FAM234A: variants seen among roughly 807,000 people sequenced by gnomAD.
The protein encoded by FAM234A is protein FAM234A.
In FAM234A, 42 loss-of-function variants were observed where a neutral mutation model predicts 49.1. That is an observed-to-expected ratio of 0.86 (90% CI 0.67 to 1.11). The LOEUF (loss-of-function observed/expected upper bound fraction) is 1.11, where lower values mean the gene tolerates loss of function less well. Ranked by LOEUF, FAM234A falls within the 50% of genes least tolerant of loss-of-function variation. The probability of loss-of-function intolerance (pLI) is 0.00; values close to 1 mark genes in which losing one functional copy is unlikely to be tolerated. For synonymous variants in FAM234A, 369 were observed against 316.2 expected, an observed-to-expected ratio of 1.17 and a Z score of -1.77; for missense variants, 815 against 745.2, an observed-to-expected ratio of 1.09 and a Z score of -1.09.
Position 264,653 on chromosome 16 carries a change from C to T in FAM234A, c.1384C>T (p.Pro462Ser). Residue 462 changes from proline (P) to serine (S), a missense_variant, in exon 12 of 13, where the codon CCC becomes TCC. By Grantham distance (74) the Pro-to-Ser change is moderately conservative. Coordinates refer to ENST00000399932, the MANE Select transcript of FAM234A (RefSeq NM_032039.4). ...CCGGCACAGCCTGTACATGTTCCAC[C>T]CCACCCTGCCGCGCGTGCTGCTGGA... ...EARHSLYMFHPTLPRVLLELA... is the reference protein window; with the variant it reads ...EARHSLYMFHSTLPRVLLELA... The T allele has an allele frequency of 6.2e-7, 1 of 1,611,918 alleles. No individual in the cohort carries two copies. The highest frequency in any genetic ancestry group is 8.5e-7 in the Non-Finnish European group (1 of 1,179,956).
intron 2 of FAM234A, among the ~76,000 whole-genome samples, chr16:250,473 C>A (rs1022103926): frequency 6.6e-6 from 1 of 152,050 alleles, no homozygotes; most frequent in Non-Finnish European, 1.5e-5. Flanking sequence ...TTGGTCGCGA[C>A]TCATTGTTTG....
chr16:250,036 C>T (rs1464911444), intron 2 of FAM234A, among the ~76,000 whole-genome samples: 3 of 152,222 alleles, frequency 2.0e-5, no homozygotes, highest in Non-Finnish European at 2.9e-5. Context: ...AGCTCCACCT[C>T]CCGGGTTCAC....
In FAM234A at chr16:265,586, A is replaced by C; in HGVS notation, c.*564A>C. On this transcript the variant is annotated 3_prime_UTR_variant, in exon 13 of 13. Transcript: ENST00000399932. ...GCTTCGCAGCCCTTCCCGGAGCTAC[A>C]GGGGGATCCTCTAGCATGGGGGGTG... 1.0e-6 allele frequency: 1 copy of C among 985,884 alleles called. No individual in the cohort carries two copies. Among genetic ancestry groups the C allele is most frequent in the South Asian group, 4.7e-5 (1 of 21,304 alleles). The allele number at this position is 985,884 out of a possible 1,614,324, so 61.1% of individuals were successfully genotyped here.
At chr16:258,483 A>T (rs1596824222) in intron 3 of FAM234A, among the ~76,000 whole-genome samples, 1 of 146,354 alleles carries the variant, frequency 6.8e-6, no homozygotes, top group African/African-American at 2.7e-5. Context: ...AAGGTCACCG[A>T]TCAACAGGAT....
intron 1 of FAM234A, among the ~76,000 whole-genome samples, chr16:236,452 G>A (rs947162412): frequency 4.6e-5 from 7 of 151,574 alleles, no homozygotes; most frequent in Admixed American, 4.6e-4. Flanking sequence ...GTGAAATCCC[G>A]TCTCTACTAA....
rs369286504 is a variant in FAM234A at position 243,744 on chromosome 16, G to A, written c.-139-5805G>A. On this transcript the variant is annotated intron_variant, in intron 1 of 12. Transcript: ENST00000399932. Reference sequence around the variant, plus strand: ...AATTTTCCAAAGACAGGCCTTATTCGTGTTAAACACACACCCCTTTTCTGT... The same window carrying A: ...AATTTTCCAAAGACAGGCCTTATTCATGTTAAACACACACCCCTTTTCTGT... Among the ~76,000 whole-genome samples, 6 of 152,094 alleles carry A rather than the reference G, an allele frequency of 3.9e-5. No individual in the cohort carries two copies. The East Asian group carries it at 7.7e-4, about 20-fold the overall frequency.
chr16:252,654 C>A (rs985477077), intron 2 of FAM234A, among the ~76,000 whole-genome samples: 1 of 152,222 alleles, frequency 6.6e-6, no homozygotes, highest in Non-Finnish European at 1.5e-5. Flanking sequence ...CACATCCTCA[C>A]CCAGACTCGT....
downstream of FAM234A, chr16:269,823 G>A (rs112877257): frequency 3.9e-5 from 20 of 510,340 alleles, no homozygotes; most frequent in Non-Finnish European, 6.3e-5. Flanking sequence ...TGGTGGCCAC[G>A]TGTAGAGGAA....
In FAM234A at chr16:262,126, C is replaced by A. The variant is rs2051491623; in HGVS notation, c.742C>A (p.His248Asn). The A allele has an allele frequency of 6.2e-7, 1 of 1,613,954 alleles. No homozygotes were observed. Among genetic ancestry groups the A allele is most frequent in the Admixed American group, 1.7e-5 (1 of 60,006 alleles). Residue 248 changes from histidine to asparagine, a missense_variant, in exon 7 of 13, where the codon CAC becomes AAC. Physicochemically the swap from His to Asn is moderately conservative, Grantham distance 68. Transcript: ENST00000399932. ...CCACCTCTACTCCGGCAGCACCGGG[C>A]ACCAGATTGGCCTCAGAGGCAGCCT... ...SGHLYSGSTG[H>N]QIGLRGSLGV...
downstream of FAM234A, chr16:268,642 G>T: frequency 1.2e-6 from 1 of 857,424 alleles, no homozygotes; most frequent in South Asian, 1.6e-5. Context: ...GCGGCCTCGA[G>T]GTGGGAAAGC....
intron 1 of FAM234A, among the ~76,000 whole-genome samples, chr16:242,870 C>A (rs986581980): frequency 2.0e-5 from 3 of 152,194 alleles, no homozygotes; most frequent in African/African-American, 7.2e-5. Flanking sequence ...CCTCAGCCTC[C>A]CAAAGTGCTG....
chr16:252,628 G>A (rs1032938426), intron 2 of FAM234A, among the ~76,000 whole-genome samples: 1 of 152,172 alleles, frequency 6.6e-6, no homozygotes, highest in Non-Finnish European at 1.5e-5. Flanking sequence ...AGCAACGTAC[G>A]ATGTTCTGAT....
intron 2 of FAM234A, among the ~76,000 whole-genome samples, chr16:252,260 C>T (rs2051050117): frequency 6.7e-6 from 1 of 148,298 alleles, no homozygotes; most frequent in Admixed American, 6.8e-5. Context: ...TGGCTCACTA[C>T]AACCTCTGCC....
In FAM234A at chr16:234,841, A is replaced by C. The variant is rs1025681530; in HGVS notation, c.-156A>C. On this transcript the variant is annotated 5_prime_UTR_variant, in exon 1 of 13. Coordinates refer to ENST00000399932, the MANE Select transcript of FAM234A (RefSeq NM_032039.4). ...GCGGGGCCAGCGGCGCGGTCGGGTG[A>C]GAGGCCGCGGCGGCAGGTGAGTGAG... 6.6e-6 allele frequency: 1 copy of C among 152,496 alleles called. No individual in the cohort carries two copies. Among genetic ancestry groups the C allele is most frequent in the African/African-American group, 2.4e-5 (1 of 41,438 alleles). The allele number at this position is 152,496 out of a possible 1,614,324, so 9.4% of individuals were successfully genotyped here.
At chr16:260,212 C>T (rs1464982275) in intron 5 of FAM234A, 52 bp downstream of exon 5, 5 of 1,549,946 alleles carry the variant, frequency 3.2e-6, no homozygotes, top group Non-Finnish European at 4.4e-6. Flanking sequence ...ACCTGAGCCA[C>T]CTCACCCTGA....
At chr16:269,929 C>CAAGGT (rs2051843777), downstream of FAM234A, 1 of 239,424 alleles carries the variant, frequency 4.2e-6, no homozygotes, top group Admixed American at 5.1e-5. Context: ...AATAAAAAAA[C>CAAGGT]AAGGTAGGCC....
intron 2 of FAM234A, among the ~76,000 whole-genome samples, chr16:250,018 T>C (rs920230926): frequency 2.0e-5 from 3 of 152,198 alleles, no homozygotes; most frequent in African/African-American, 4.8e-5. Context: ...CGATCTCGGC[T>C]CACTGCAAGC....
intron 1 of FAM234A, among the ~76,000 whole-genome samples, chr16:247,362 C>G (rs1259342748): frequency 6.6e-6 from 1 of 151,344 alleles, no homozygotes; most frequent in African/African-American, 2.4e-5. Flanking sequence ...GAACTGAACT[C>G]AAGCTTTCCA....
At position 265,967 on chromosome 16, in the gene FAM234A, G is replaced by A; in HGVS notation, c.*945G>A. 1.0e-6 allele frequency: 1 copy of A among 985,994 alleles called. No homozygotes were observed. The highest frequency in any genetic ancestry group is 1.2e-6 in the Non-Finnish European group (1 of 830,044). 61.1% of individuals were successfully genotyped at this position (985,994 alleles called of 1,614,324 possible). On this transcript the variant is annotated 3_prime_UTR_variant, in exon 13 of 13. Coordinates refer to ENST00000399932, the MANE Select transcript of FAM234A (RefSeq NM_032039.4). ...GTGCCTTGCTGCTCCTGAGGCCCAAGGGCAGCCATGGTGCTCTGTACTGCT... is the reference window on the plus strand; with the variant it reads ...GTGCCTTGCTGCTCCTGAGGCCCAAAGGCAGCCATGGTGCTCTGTACTGCT...
Sources: allele counts gnomAD v4.1 joint callset (sites outside exome capture counted in the v4.1 genomes callset), GRCh38; gene constraint gnomAD v4.1.1; transcripts MANE v1.5; gene names NCBI Gene and HGNC (gene_info 2026-07-23, HGNC 2026-07-21).